The following MAN1A2 variants were observed in gnomAD, a reference collection of about 807,000 sequenced individuals.
MAN1A2 encodes mannosyl-oligosaccharide 1,2-alpha-mannosidase IB.
Under a neutral mutation model 75.7 loss-of-function variants are expected in MAN1A2, and 26 were observed. The ratio of observed to expected loss-of-function variants is 0.34; its 90% confidence interval spans 0.25 to 0.48. The LOEUF is 0.48. Ranked by LOEUF, MAN1A2 falls within the 20% of genes least tolerant of loss-of-function variation. The pLI, the probability that MAN1A2 is intolerant of heterozygous loss-of-function variation, is 0.99. For synonymous variants in MAN1A2, 247 were observed against 264.6 expected, an observed-to-expected ratio of 0.93 and a Z score of 0.65; for missense variants, 562 against 775.5, an observed-to-expected ratio of 0.72 and a Z score of 3.27.
intron 1 of MAN1A2, among the ~76,000 whole-genome samples, chr1:117,373,754 A>G (rs957532359): frequency 2.0e-5 from 3 of 152,162 alleles, no homozygotes; most frequent in Non-Finnish European, 4.4e-5. Context: ...TTGGCCTCCC[A>G]AAGTGTTCGG....
At chr1:117,465,660 C>T (rs1450247049) in intron 7 of MAN1A2, among the ~76,000 whole-genome samples, 1 of 152,086 alleles carries the variant, frequency 6.6e-6, no homozygotes, top group South Asian at 2.1e-4. Flanking sequence ...AACATAACAC[C>T]TCCTCCCACC....
At chr1:117,414,309 T>G (rs1647918283) in intron 3 of MAN1A2, among the ~76,000 whole-genome samples, 1 of 151,544 alleles carries the variant, frequency 6.6e-6, no homozygotes, top group Non-Finnish European at 1.5e-5. Flanking sequence ...GTCTTATTAC[T>G]TAGCTTTGTC....
intron 1 of MAN1A2, among the ~76,000 whole-genome samples, chr1:117,383,917 C>G (rs1316890137): frequency 6.6e-6 from 1 of 152,024 alleles, no homozygotes; most frequent in African/African-American, 2.4e-5. Context: ...ATCAAACAAA[C>G]CAGGCCATAA....
At chr1:117,379,610 C>A (rs1296070782) in intron 1 of MAN1A2, among the ~76,000 whole-genome samples, 3 of 152,030 alleles carry the variant, frequency 2.0e-5, no homozygotes, top group Non-Finnish European at 2.9e-5. Flanking sequence ...AACTCTATAC[C>A]CATTAAATGG....
chr1:117,505,774 T>G (rs986595408), intron 12 of MAN1A2, among the ~76,000 whole-genome samples: 10 of 151,334 alleles, frequency 6.6e-5, no homozygotes, highest in African/African-American at 2.4e-4. Flanking sequence ...ACAGAATTTT[T>G]TATGTTGCTA....
intron 8 of MAN1A2, among the ~76,000 whole-genome samples, chr1:117,475,326 A>C (rs561500768): frequency 7.6e-4 from 116 of 151,866 alleles, no homozygotes; most frequent in African/African-American, 2.8e-3. Context: ...TGATATGATC[A>C]GTCTTTTAGT....
chr1:117,404,814 G>T (rs529681865), intron 2 of MAN1A2, among the ~76,000 whole-genome samples: 35 of 152,154 alleles, frequency 2.3e-4, no homozygotes, highest in African/African-American at 7.5e-4. Context: ...CAGCACTTTG[G>T]GAGGCCAAAG....
At chr1:117,510,131 T>C (rs1237940594) in intron 12 of MAN1A2, among the ~76,000 whole-genome samples, 2 of 151,980 alleles carry the variant, frequency 1.3e-5, no homozygotes, top group Non-Finnish European at 2.9e-5. Context: ...TGGTTCTGTT[T>C]TTTTGCTCTT....
chr1:117,437,499 TTAAA>T (rs1242575741), intron 5 of MAN1A2, among the ~76,000 whole-genome samples: 2 of 152,102 alleles, frequency 1.3e-5, no homozygotes, highest in Non-Finnish European at 2.9e-5. Flanking sequence ...TTTGAGGAAT[TTAAA>T]TATTAACTAT....
chr1:117,420,285 G>A (rs1003222656), intron 4 of MAN1A2, among the ~76,000 whole-genome samples: 15 of 152,024 alleles, frequency 9.9e-5, no homozygotes, highest in Non-Finnish European at 1.8e-4. Context: ...AAGGGTAATA[G>A]TTAACAGTGT....
chr1:117,375,507 AT>A (rs1653107085), intron 1 of MAN1A2, among the ~76,000 whole-genome samples: 1 of 152,210 alleles, frequency 6.6e-6, no homozygotes, highest in Admixed American at 6.5e-5. Context: ...TTTTAAAAAA[AT>A]ATTTATATAA....
chr1:117,399,028 T>A (rs1048904715), intron 1 of MAN1A2, among the ~76,000 whole-genome samples: 1 of 152,152 alleles, frequency 6.6e-6, no homozygotes, highest in Admixed American at 6.5e-5. Context: ...TTCCATCGCA[T>A]GCTAAAAAGA....
chr1:117,469,304 A>T (rs1187857265), intron 8 of MAN1A2, among the ~76,000 whole-genome samples: 1 of 152,172 alleles, frequency 6.6e-6, no homozygotes, highest in Non-Finnish European at 1.5e-5. Context: ...TACAAAAATT[A>T]ACTCAAAACA....
At chr1:117,412,291 G>T (rs1410256585) in intron 3 of MAN1A2, among the ~76,000 whole-genome samples, 2 of 151,592 alleles carry the variant, frequency 1.3e-5, no homozygotes, top group Non-Finnish European at 3.0e-5. Context: ...GTGAATATAT[G>T]AATAAAATGG....
chr1:117,492,763 A>G (rs1650921835), intron 8 of MAN1A2, among the ~76,000 whole-genome samples: 1 of 152,096 alleles, frequency 6.6e-6, no homozygotes. Context: ...TTTTTGCTTA[A>G]CATCAGCTTT....
At chr1:117,453,982 A>G (rs1458920554) in intron 6 of MAN1A2, among the ~76,000 whole-genome samples, 3 of 152,210 alleles carry the variant, frequency 2.0e-5, no homozygotes, top group African/African-American at 2.4e-5. Flanking sequence ...ACCATCAAAA[A>G]AGAGTATGAC....
chr1:117,419,231 A>T (rs1049339389), intron 4 of MAN1A2, among the ~76,000 whole-genome samples: 1 of 152,072 alleles, frequency 6.6e-6, no homozygotes, highest in Admixed American at 6.6e-5. Flanking sequence ...ATCTAAACTG[A>T]TGTAAGATTT....
chr1:117,514,281 T>A (rs1402413962), intron 12 of MAN1A2, among the ~76,000 whole-genome samples: 1 of 151,406 alleles, frequency 6.6e-6, no homozygotes, highest in East Asian at 1.9e-4. Context: ...GAGAATCACT[T>A]GAACCCGGGA....
chr1:117,417,094 C>T (rs1648017606), intron 4 of MAN1A2, among the ~76,000 whole-genome samples: 1 of 152,054 alleles, frequency 6.6e-6, no homozygotes, highest in Non-Finnish European at 1.5e-5. Flanking sequence ...TAAAAGGGAG[C>T]CAGTTGGTAA....
Sources: gnomAD v4.1 joint callset for allele counts (sites outside exome capture counted in the v4.1 genomes callset) on GRCh38, gnomAD v4.1.1 for gene constraint, MANE v1.5 for transcripts, NCBI Gene and HGNC (gene_info 2026-07-23, HGNC 2026-07-21) for gene names.